The following TPRG1 variants were observed in gnomAD, a reference collection of about 807,000 sequenced individuals.
TPRG1 encodes tumor protein p63 regulated 1.
Under a neutral mutation model 29.3 loss-of-function variants are expected in TPRG1, and 29 were observed. The ratio of observed to expected loss-of-function variants is 0.99; its 90% CI spans 0.74 to 1.35. TPRG1 has a LOEUF of 1.35. Ranked by LOEUF, TPRG1 falls within the 40% of genes most tolerant of loss-of-function variation. The pLI is 0.00. For synonymous variants in TPRG1, 130 were observed against 116.8 expected (o/e 1.11, Z -0.73); for missense variants, 327 against 335.0 (o/e 0.98, Z 0.19).
Position 189,320,810 on chromosome 3 carries a change from T to G in TPRG1, c.818T>G (p.Ile273Ser). The G allele has an allele frequency of 6.3e-7, 1 of 1,586,118 alleles. No individual in the cohort carries two copies. The highest frequency in any genetic ancestry group is 8.6e-7 in the Non-Finnish European group (1 of 1,166,868). Residue 273 changes from isoleucine (I) to serine (S), a missense_variant, in exon 6 of 6, where the codon ATT becomes AGT. Physicochemically the swap from Ile to Ser is moderately radical, Grantham distance 142. Transcript: ENST00000345063. ...GGCTATTCCCTTGCCCGTGGGAGTATTGGTTTTTGAGAGTCTTTTTGGTAC... is the reference window on the plus strand; with the variant it reads ...GGCTATTCCCTTGCCCGTGGGAGTAGTGGTTTTTGAGAGTCTTTTTGGTAC... ...KLGYSLARGSIGF is the reference protein window; with the variant it reads ...KLGYSLARGSSGF
Position 189,323,389 on chromosome 3 carries a change from G to A in TPRG1, c.*2569G>A, listed in dbSNP as rs930319669. ...TTAATTTCCTCTTCTGCGAAATGGA[G>A]ACAATTATATTACTTTTGCTTATTT... On this transcript the variant is annotated 3_prime_UTR_variant, in exon 6 of 6. Transcript: ENST00000345063. The A allele has an allele frequency of 6.6e-6, 1 of 152,038 alleles. No homozygotes were observed. Among genetic ancestry groups the A allele is most frequent in the African/African-American group, 2.4e-5 (1 of 41,404 alleles). 9.4% of individuals were successfully genotyped at this position (152,038 alleles called of 1,614,324 possible).
At chr3:189,035,171 T>C (rs1714180736) in intron 4 of TPRG1, among the ~76,000 whole-genome samples, 1 of 151,964 alleles carries the variant, frequency 6.6e-6, no homozygotes, top group Non-Finnish European at 1.5e-5. Flanking sequence ...AAGTCAACAA[T>C]AACAAGTAAT....
chr3:189,259,127 G>A (rs1166632260), intron 4 of TPRG1, among the ~76,000 whole-genome samples: 5 of 152,174 alleles, frequency 3.3e-5, no homozygotes, highest in Non-Finnish European at 4.4e-5. Flanking sequence ...CTCTGGTGGT[G>A]TAGGCACCTG....
intron 4 of TPRG1, among the ~76,000 whole-genome samples, chr3:189,242,155 G>T (rs1005090814): frequency 9.9e-5 from 15 of 152,176 alleles, no homozygotes; most frequent in African/African-American, 3.6e-4. Context: ...TTTTTATCCA[G>T]ATGGCAGGCT....
intron 4 of TPRG1, among the ~76,000 whole-genome samples, chr3:189,056,407 T>G (rs563911928): frequency 6.6e-6 from 1 of 152,230 alleles, no homozygotes; most frequent in East Asian, 1.9e-4. Context: ...AGCAGAGGTA[T>G]TTTTGCTGTT....
chr3:189,072,583 T>C (rs1716877552), intron 4 of TPRG1, among the ~76,000 whole-genome samples: 1 of 152,208 alleles, frequency 6.6e-6, no homozygotes, highest in Middle Eastern at 3.2e-3. Context: ...TCATTGGTAA[T>C]GTTAATTTAG....
At chr3:189,223,030 G>A (rs1320700574) in intron 3 of TPRG1, among the ~76,000 whole-genome samples, 1 of 152,192 alleles carries the variant, frequency 6.6e-6, no homozygotes, top group African/African-American at 2.4e-5. Context: ...ACGATAAAGT[G>A]TAGTTCATTG....
At chr3:189,145,409 C>G (rs573385352) in intron 3 of TPRG1, among the ~76,000 whole-genome samples, 1 of 142,844 alleles carries the variant, frequency 7.0e-6, no homozygotes, top group African/African-American at 2.5e-5. Flanking sequence ...ATACCATAGA[C>G]TAACACAAAG....
intron 4 of TPRG1, among the ~76,000 whole-genome samples, chr3:189,064,149 T>C (rs781652668): frequency 1.3e-5 from 2 of 152,164 alleles, no homozygotes; most frequent in Non-Finnish European, 2.9e-5. Flanking sequence ...GTTGGTTACA[T>C]AGGGATATAG....
At chr3:189,183,851 A>G (rs570635095) in intron 1 of TPRG1, among the ~76,000 whole-genome samples, 3 of 151,516 alleles carry the variant, frequency 2.0e-5, no homozygotes, top group Admixed American at 6.6e-5. Flanking sequence ...CGCAATTATC[A>G]CAGGGTCCTG....
chr3:189,162,019 G>A lies in TPRG1; in HGVS notation c.-10+11147G>A, dbSNP rs1292395146. 2.6e-5 allele frequency among the ~76,000 whole-genome samples: 4 copies of A among 152,058 alleles called. No homozygotes were observed. In the East Asian group the frequency reaches 5.8e-4, roughly 22 times the overall value. ...CTTTTTTTTCTTTTTTTGAAATGGA[G>A]TTTCACTCTATCACCCAGGCTGGAG... On this transcript the variant is annotated intron_variant, in intron 5 of 6. Transcript: ENST00000412373.
At chr3:189,135,501 A>G (rs1250228770) in intron 3 of TPRG1, among the ~76,000 whole-genome samples, 1 of 152,192 alleles carries the variant, frequency 6.6e-6, no homozygotes, top group Non-Finnish European at 1.5e-5. Context: ...GTCTTCTTCG[A>G]CATTTAGCAA....
intron 4 of TPRG1, among the ~76,000 whole-genome samples, chr3:189,294,095 A>G (rs1719471134): frequency 6.6e-6 from 1 of 152,244 alleles, no homozygotes; most frequent in South Asian, 2.1e-4. Flanking sequence ...AAGGGCTAAG[A>G]AAAAAGCATA....
intron 3 of TPRG1, among the ~76,000 whole-genome samples, chr3:189,143,720 GATT>G (rs1448733297): frequency 2.6e-5 from 4 of 152,148 alleles, no homozygotes; most frequent in Admixed American, 2.6e-4. Context: ...AGGTGACACT[GATT>G]TCATAACATG....
rs139762047 is a variant in TPRG1 at position 189,254,160 on chromosome 3, T to C, written c.479+15251T>C. 1.1e-4 allele frequency among the ~76,000 whole-genome samples: 17 copies of C among 152,304 alleles called. No homozygotes were observed. In the East Asian group the frequency reaches 1.2e-3, roughly 10 times the overall value. On this transcript the variant is annotated intron_variant, in intron 4 of 5. Coordinates refer to ENST00000345063, the MANE Select transcript of TPRG1 (RefSeq NM_198485.4). ...AGGATTTTTATGGTTTTAGGTCTTA[T>C]GTTTAATTCTTTAATCCGTCTTGAG...
chr3:189,304,086 T>C (rs1221406357), intron 4 of TPRG1, among the ~76,000 whole-genome samples: 1 of 151,690 alleles, frequency 6.6e-6, no homozygotes, highest in African/African-American at 2.4e-5. Flanking sequence ...ATTTCTCATA[T>C]TCATTAAGTT....
At chr3:189,261,159 G>A (rs962062341) in intron 4 of TPRG1, among the ~76,000 whole-genome samples, 4 of 152,156 alleles carry the variant, frequency 2.6e-5, no homozygotes, top group African/African-American at 9.7e-5. Flanking sequence ...GCCCCCAAGG[G>A]TTGCATAACT....
intron 1 of TPRG1, among the ~76,000 whole-genome samples, chr3:189,175,533 G>A (rs1729373948): frequency 6.6e-6 from 1 of 152,180 alleles, no homozygotes; most frequent in Admixed American, 6.5e-5. Context: ...ATTAGTTCAT[G>A]ATTATTAGCT....
intron 4 of TPRG1, among the ~76,000 whole-genome samples, chr3:189,282,330 A>G (rs1320731950): frequency 6.6e-6 from 1 of 151,574 alleles, no homozygotes; most frequent in Non-Finnish European, 1.5e-5. Context: ...CATATCTTGT[A>G]GGCGTTTGTT....
Sources: allele counts gnomAD v4.1 joint callset (sites outside exome capture counted in the v4.1 genomes callset), GRCh38; gene constraint gnomAD v4.1.1; transcripts MANE v1.5; gene names NCBI Gene and HGNC (gene_info 2026-07-23, HGNC 2026-07-21).